BLNK: variants seen among roughly 807,000 people sequenced by gnomAD.
The protein encoded by BLNK is B cell linker.
BLNK carries 29 observed loss-of-function variants against 73.5 expected under a neutral mutation model. That is an observed-to-expected ratio of 0.39 (90% CI 0.29 to 0.54). BLNK has a LOEUF of 0.54. BLNK is among the 20% of genes least tolerant of loss of function. The pLI is 0.61. For missense variants in BLNK, 460 were observed against 562.8 expected, an observed-to-expected ratio of 0.82 and a Z score of 1.85; for synonymous variants, 176 against 200.8, an observed-to-expected ratio of 0.88 and a Z score of 1.04.
intron 10 of BLNK, 108 bp from the exon 11 acceptor site, chr10:96,207,161 C>A (rs1591307181): frequency 1.0e-6 from 1 of 973,980 alleles, no homozygotes; most frequent in Non-Finnish European, 1.6e-6. Context: ...TTCTTTGATG[C>A]ATTGCTATTC....
chr10:96,196,252 A>T (rs1258760940), intron 16 of BLNK, among the ~76,000 whole-genome samples: 1 of 152,222 alleles, frequency 6.6e-6, no homozygotes, highest in Non-Finnish European at 1.5e-5. Flanking sequence ...CAAAACCAGA[A>T]TAAGTATCAC....
intron 11 of BLNK, among the ~76,000 whole-genome samples, chr10:96,205,808 C>G (rs1451125924): frequency 1.3e-5 from 2 of 152,192 alleles, no homozygotes; most frequent in Non-Finnish European, 2.9e-5. Context: ...AATGAGGACA[C>G]CTAAGCAGCA....
chr10:96,253,885 G>A (rs1554910058), intron 1 of BLNK, among the ~76,000 whole-genome samples: 1 of 152,002 alleles, frequency 6.6e-6, no homozygotes, highest in Non-Finnish European at 1.5e-5. Flanking sequence ...GCCGGGCATG[G>A]TGGCGGGCGC....
intron 16 of BLNK, among the ~76,000 whole-genome samples, chr10:96,193,654 A>T (rs141142020): frequency 6.6e-6 from 1 of 152,196 alleles, no homozygotes; most frequent in African/African-American, 2.4e-5. Flanking sequence ...TGTATTTGAG[A>T]CAGATACATT....
chr10:96,211,317 T>A (rs1475137218), intron 8 of BLNK, among the ~76,000 whole-genome samples: 1 of 152,146 alleles, frequency 6.6e-6, no homozygotes, highest in Non-Finnish European at 1.5e-5. Flanking sequence ...ACTTGGTACA[T>A]GTAAAGCACA....
intron 1 of BLNK, among the ~76,000 whole-genome samples, chr10:96,262,193 C>A (rs142824267): frequency 6.6e-6 from 1 of 152,156 alleles, no homozygotes; most frequent in South Asian, 2.1e-4. Context: ...TAAATGAGTC[C>A]TGCGTGGGTG....
In BLNK at chr10:96,204,552, T is replaced by C; in HGVS notation, c.882A>G (p.Pro294=). The C allele has an allele frequency of 6.2e-7, 1 of 1,614,096 alleles. No homozygotes were observed. Among genetic ancestry groups the C allele is most frequent in the Non-Finnish European group, 8.5e-7 (1 of 1,179,952 alleles). The change falls in exon 12 of 17, where the codon CCA becomes CCG. Residue 294 remains proline, a synonymous_variant. Transcript: ENST00000224337. ...SSHRQEAVQS[P]VFPPAQKQIH... ...CTTACTTCTGGGCAGGAGGAAACACTGGTGACTGCACAGCTTCTTGTCTGT... is the reference window on the plus strand; with the variant it reads ...CTTACTTCTGGGCAGGAGGAAACACCGGTGACTGCACAGCTTCTTGTCTGT...
At chr10:96,226,108 T>C (rs957313834) in intron 5 of BLNK, among the ~76,000 whole-genome samples, 2 of 152,222 alleles carry the variant, frequency 1.3e-5, no homozygotes, top group African/African-American at 2.4e-5. Flanking sequence ...GAGCCCTGGC[T>C]TGTATCCCAG....
At chr10:96,259,956 C>A (rs1429453095) in intron 1 of BLNK, among the ~76,000 whole-genome samples, 2 of 152,030 alleles carry the variant, frequency 1.3e-5, no homozygotes, top group African/African-American at 4.8e-5. Flanking sequence ...TTAAGAAGTT[C>A]TTAGAAGTTT....
At chr10:96,225,930 C>G (rs1554902368) in intron 5 of BLNK, among the ~76,000 whole-genome samples, 3 of 152,114 alleles carry the variant, frequency 2.0e-5, no homozygotes, top group Non-Finnish European at 4.4e-5. Context: ...CAGGTGTGAG[C>G]CACCGCGCTT....
rs782499801 is a variant in BLNK, at chr10:96,223,821, T to G, written c.525+5A>C. 1 of 1,613,590 alleles carries G rather than the reference T, an allele frequency of 6.2e-7. No individual in the cohort carries two copies. The highest frequency in any genetic ancestry group is 8.5e-7 in the Non-Finnish European group (1 of 1,179,962). ...TGGGAAGCCTTTGGCACAGATTTAC[T>G]TTACCTCATCCTCAAGGAGGCCTTT... On this transcript the variant is annotated splice_donor_5th_base_variant and intron_variant, in intron 6 of 16. Coordinates refer to ENST00000224337, the MANE Select transcript of BLNK (RefSeq NM_013314.4).
intron 7 of BLNK, 106 bp downstream of exon 7, chr10:96,216,547 C>T (rs2084069925): frequency 3.0e-6 from 3 of 987,540 alleles, no homozygotes. Context: ...GGAGAAAGTC[C>T]TGGGCACTGT....
intron 16 of BLNK, among the ~76,000 whole-genome samples, chr10:96,193,172 T>TTTAC (rs2083371064): frequency 6.6e-6 from 1 of 152,354 alleles, no homozygotes; most frequent in South Asian, 2.1e-4. Flanking sequence ...GTCTTTATTC[T>TTTAC]TTACTTCCTA....
chr10:96,267,241 T>C (rs782666743), intron 1 of BLNK, among the ~76,000 whole-genome samples: 23 of 152,040 alleles, frequency 1.5e-4, no homozygotes, highest in East Asian at 1.9e-4. Context: ...CAAACAAACA[T>C]AGGGGACATG....
chr10:96,205,894 C>T (rs1322356424), intron 11 of BLNK, among the ~76,000 whole-genome samples: 2 of 152,152 alleles, frequency 1.3e-5, no homozygotes, highest in Admixed American at 6.5e-5. Flanking sequence ...ACAGGTTGTA[C>T]TTACTTCCTA....
At chr10:96,270,186 C>T (rs963127318) in intron 1 of BLNK, among the ~76,000 whole-genome samples, 1 of 152,236 alleles carries the variant, frequency 6.6e-6, no homozygotes, top group Non-Finnish European at 1.5e-5. Flanking sequence ...ATGTTGCCTA[C>T]TGATCCCAGA....
chr10:96,203,837 C>CT (rs2083722002), intron 13 of BLNK: 1 of 399,684 alleles, frequency 2.5e-6, no homozygotes, highest in African/African-American at 2.1e-5. Flanking sequence ...TAAATCGCTA[C>CT]TAAAAAAAGT....
Position 96,195,800 on chromosome 10 carries a change from G to T in BLNK, c.1251+1108C>A, listed in dbSNP as rs75816460. On this transcript the variant is annotated intron_variant, in intron 16 of 16. Transcript: ENST00000224337. ...ATTAAGATGGTAAATTTTATATGTG[G>T]TTTTTTAACCACAGTTGTCTAAAAG... Among the ~76,000 whole-genome samples, 4,568 of 152,258 alleles carry T rather than the reference G, an allele frequency of 0.03. 760 individuals are homozygous for T. The East Asian group carries it at 0.49, about 16-fold the overall frequency.
At chr10:96,254,540 C>T (rs782611683) in intron 1 of BLNK, among the ~76,000 whole-genome samples, 4 of 151,754 alleles carry the variant, frequency 2.6e-5, no homozygotes, top group Admixed American at 6.6e-5. Flanking sequence ...GATGAAGTCT[C>T]GCTCTTGTCC....
Sources: allele counts gnomAD v4.1 joint callset (sites outside exome capture counted in the v4.1 genomes callset), GRCh38; gene constraint gnomAD v4.1.1; transcripts MANE v1.5; gene names NCBI Gene and HGNC (gene_info 2026-07-23, HGNC 2026-07-21).